The following BUD13 variants were observed in gnomAD, a reference collection of about 807,000 sequenced individuals.
BUD13 encodes BUD13 homolog.
A neutral mutation model predicts 62.5 loss-of-function variants in BUD13; 47 were observed. That is an observed-to-expected ratio of 0.75 (90% CI 0.60 to 0.96). The LOEUF (loss-of-function observed/expected upper bound fraction) is 0.96, where lower values mean the gene tolerates loss of function less well. BUD13 is among the 40% of genes least tolerant of loss of function. BUD13 has a pLI of 0.00. For synonymous variants in BUD13, 293 were observed against 280.1 expected (o/e 1.05, Z -0.46); for missense variants, 821 against 790.9 (o/e 1.04, Z -0.46).
At chr11:116,752,627 T>C (rs1226546614) in intron 9 of BUD13, among the ~76,000 whole-genome samples, 2 of 152,202 alleles carry the variant, frequency 1.3e-5, no homozygotes, top group East Asian at 1.9e-4. Context: ...GCTGTATGTA[T>C]GGCAAATGAG....
intron 9 of BUD13, among the ~76,000 whole-genome samples, chr11:116,754,441 C>A (rs1940290604): frequency 6.6e-6 from 1 of 152,060 alleles, no homozygotes; most frequent in Non-Finnish European, 1.5e-5. Context: ...TAGAAAAGTC[C>A]AAATATTTGG....
At chr11:116,772,491 A>G (rs1367189677) in intron 1 of BUD13, among the ~76,000 whole-genome samples, 1 of 152,226 alleles carries the variant, frequency 6.6e-6, no homozygotes, top group African/African-American at 2.4e-5. Flanking sequence ...CCAAGCACAG[A>G]GGCTTTGAAT....
rs1940174185 is a variant in BUD13, at chr11:116,748,235, C to T, written c.*247G>A. ...AAAGAAAAACCCTACCAAGAACAAA[C>T]CCTGGTCAATGAGAAATCAATGCTT... On this transcript the variant is annotated 3_prime_UTR_variant, in exon 10 of 10. Coordinates refer to ENST00000260210, the MANE Select transcript of BUD13 (RefSeq NM_032725.4). 2.2e-6 allele frequency: 1 copy of T among 451,056 alleles called. No homozygotes were observed. Among genetic ancestry groups the T allele is most frequent in the East Asian group, 3.5e-5 (1 of 28,232 alleles). The allele number at this position is 451,056 out of a possible 1,614,324, so 27.9% of individuals were successfully genotyped here.
At chr11:116,768,392 G>A (rs1323879484) in intron 2 of BUD13, among the ~76,000 whole-genome samples, 1 of 152,082 alleles carries the variant, frequency 6.6e-6, no homozygotes, top group African/African-American at 2.4e-5. Context: ...TGTACAATAT[G>A]ATCCCAATTA....
At position 116,758,292 on chromosome 11, in the gene BUD13, C is replaced by T. The variant is rs760917117; in HGVS notation, c.1476G>A (p.Glu492=). The change falls in exon 7 of 10, where the codon GAG becomes GAA. Residue 492 remains glutamate, a synonymous_variant. Coordinates refer to ENST00000260210, the MANE Select transcript of BUD13 (RefSeq NM_032725.4). ...ACCCTTTTCCCCACTGGGCATACAG[C>T]TCATCTCTCTCTGAGTCCTTTTCTG... is the stretch of plus-strand genomic sequence containing the variant. ...RKAEKDSERD[E]LYAQWGKGLA... is the part of the protein sequence containing the mutation. 6.2e-7 allele frequency: 1 copy of T among 1,614,072 alleles called. No homozygotes were observed. Among genetic ancestry groups the T allele is most frequent in the Non-Finnish European group, 8.5e-7 (1 of 1,180,044 alleles).
In BUD13 at chr11:116,755,846, T is replaced by A. The variant is rs182500870; in HGVS notation, c.1766+1300A>T. ...TACTTTTTAAATGTCTGAGTTTTAA[T>A]TTATAATATGGTAAATATCAATATA... On this transcript the variant is annotated intron_variant, in intron 9 of 9. Coordinates refer to ENST00000260210, the MANE Select transcript of BUD13 (RefSeq NM_032725.4). 6.1e-4 allele frequency among the ~76,000 whole-genome samples: 93 copies of A among 152,304 alleles called. 1 individual carries two copies. The East Asian group carries it at 0.017, about 27-fold the overall frequency.
At chr11:116,759,224 G>T in intron 5 of BUD13, 45 bp from the exon 6 acceptor site, 2 of 1,390,322 alleles carry the variant, frequency 1.4e-6, no homozygotes, top group Non-Finnish European at 2.0e-6. Flanking sequence ...GAGATGATGT[G>T]ACAGTAGGCT....
intron 5 of BUD13, among the ~76,000 whole-genome samples, chr11:116,759,730 A>C (rs1035568200): frequency 4.6e-5 from 7 of 152,206 alleles, no homozygotes; most frequent in African/African-American, 1.7e-4. Context: ...AATAATATTA[A>C]GTTGTCCATG....
chr11:116,765,148 A>C (rs533299304), intron 3 of BUD13, among the ~76,000 whole-genome samples: 22 of 152,306 alleles, frequency 1.4e-4, no homozygotes, highest in Non-Finnish European at 2.8e-4. Context: ...CAGTAATCCT[A>C]ATGCCAAAAT....
chr11:116,757,938 G>C lies in BUD13; in HGVS notation c.1512C>G (p.Ser504Arg). The C allele has an allele frequency of 2.5e-6, 4 of 1,613,770 alleles. No homozygotes were observed. The highest frequency in any genetic ancestry group is 3.4e-6 in the Non-Finnish European group (4 of 1,179,984). Reference sequence around the variant, plus strand: ...CCTCCACATTTTGTTGCTGTTGCCGGCTCTGGGCAAGCCTGGGCAAAAAGG... The same window carrying C: ...CCTCCACATTTTGTTGCTGTTGCCGCCTCTGGGCAAGCCTGGGCAAAAAGG... Reference protein sequence around the residue: ...YAQWGKGLAQSRQQQQNVEDA... With the variant: ...YAQWGKGLAQRRQQQQNVEDA... Residue 504 changes from serine to arginine, a missense_variant, in exon 8 of 10, where the codon AGC becomes AGG. Around this residue, in one of 2 missense-constraint regions of BUD13, gnomAD observed 800 missense variants for 739.2 expected, o/e 1.08. Coordinates refer to ENST00000260210, the MANE Select transcript of BUD13 (RefSeq NM_032725.4).
chr11:116,754,011 C>G (rs7930786), intron 9 of BUD13, among the ~76,000 whole-genome samples: 139,397 of 152,314 alleles, frequency 0.92, 63,966 homozygotes, highest in African/African-American at 0.94. Flanking sequence ...GATAGACTAT[C>G]CACTGGGCCA....
At chr11:116,758,521 C>G in intron 6 of BUD13, 114 bp from the exon 7 acceptor site, 3 of 1,142,570 alleles carry the variant, frequency 2.6e-6, no homozygotes, top group Non-Finnish European at 3.7e-6. Context: ...GCAGCCAGAC[C>G]AAAGTAGTTC....
In BUD13 at chr11:116,762,615, G is replaced by A. The variant is rs1272779587; in HGVS notation, c.974C>T (p.Ser325Phe). ...TTTTGCTTGCTTTTTTCGTGGAGGA[G>A]AGATGTCAGGGTCATACTCATATTT... ...NSKYEYDPDI[S>F]PPRKKQAKSH... Residue 325 changes from serine to phenylalanine, a missense_variant, in exon 4 of 10, where the codon TCT becomes TTT. This residue lies in a region of BUD13 where 800 missense variants were observed against 739.2 expected (regional missense o/e 1.08). Coordinates refer to ENST00000260210, the MANE Select transcript of BUD13 (RefSeq NM_032725.4). 7 of 1,613,388 alleles carry A rather than the reference G, an allele frequency of 4.3e-6. No homozygotes were observed. The highest frequency in any genetic ancestry group is 5.1e-6 in the Non-Finnish European group (6 of 1,179,886).
At chr11:116,760,680 A>G in intron 5 of BUD13, 55 bp downstream of exon 5, 1 of 1,549,638 alleles carries the variant, frequency 6.5e-7, no homozygotes, top group South Asian at 1.1e-5. Flanking sequence ...ACATATATAA[A>G]GCTGAGAGAG....
At chr11:116,771,159 C>T (rs539668959) in intron 1 of BUD13, among the ~76,000 whole-genome samples, 1 of 152,300 alleles carries the variant, frequency 6.6e-6, no homozygotes, top group Admixed American at 6.5e-5. Flanking sequence ...CTGCTTCACC[C>T]AATTCCCTCA....
intron 3 of BUD13, among the ~76,000 whole-genome samples, 165 bp from the exon 4 acceptor site, chr11:116,763,431 C>T (rs1308515338): frequency 6.6e-6 from 1 of 152,190 alleles, no homozygotes; most frequent in Non-Finnish European, 1.5e-5. Flanking sequence ...AACCACCACT[C>T]ATGAATATCT....
rs756544612 is a variant in BUD13, at chr11:116,763,281, CAA to C, written c.323-17_323-16del. ...TTCGTTGTGGCCTAAACACAAATAA[CAA>C]AGAGTCAGATTCCCACAAATGCTCT... On this transcript the variant is annotated splice_polypyrimidine_tract_variant and intron_variant, in intron 3 of 9. Transcript: ENST00000260210. The C allele has an allele frequency of 1.8e-5, 28 of 1,521,486 alleles. No individual in the cohort carries two copies. The South Asian group carries it at 2.1e-4, about 12-fold the overall frequency. 94.2% of individuals were successfully genotyped at this position (1,521,486 alleles called of 1,614,324 possible).
At chr11:116,772,723 A>G in intron 1 of BUD13, 99 bp downstream of exon 1, 1 of 1,383,234 alleles carries the variant, frequency 7.2e-7, no homozygotes, top group Non-Finnish European at 9.4e-7. Context: ...AGAAGCCGAG[A>G]GACCCGCCAA....
chr11:116,772,973 C>CG lies in BUD13; in HGVS notation c.-10dup, dbSNP rs532513326. On this transcript the variant is annotated 5_prime_UTR_variant, in exon 1 of 10. Coordinates refer to ENST00000260210, the MANE Select transcript of BUD13 (RefSeq NM_032725.4). ...GGCGGAGCTGCCGCCATGGCAGCGG[C>CG]GGGGGCAGAGAGACGGGTCGGCGCT... 1.1e-3 allele frequency: 1,671 copies of CG among 1,532,290 alleles called. 9 individuals are homozygous for CG. In the Middle Eastern group the frequency reaches 0.028, roughly 26 times the overall value. The allele number at this position is 1,532,290 out of a possible 1,614,324, so 94.9% of individuals were successfully genotyped here. A position where few individuals can be genotyped will look rare whatever the true frequency, so the allele number is the denominator to read the frequency against.
Sources: gnomAD v4.1 joint callset for allele counts (sites outside exome capture counted in the v4.1 genomes callset) on GRCh38, gnomAD v4.1.1 for gene constraint, gnomAD v4.1.1 regional missense constraint, MANE v1.5 for transcripts, NCBI Gene and HGNC (gene_info 2026-07-23, HGNC 2026-07-21) for gene names.